The following ATP7A variants were observed in gnomAD, a reference collection of about 807,000 sequenced individuals.
ATP7A encodes ATPase copper transporting alpha.
In ATP7A, 7 loss-of-function variants were observed where a neutral mutation model predicts 83.5. That is an observed-to-expected ratio of 0.08 (90% CI 0.05 to 0.16). ATP7A has a LOEUF of 0.16. Ranked by LOEUF, ATP7A falls within the 10% of genes least tolerant of loss-of-function variation. The pLI, the probability that ATP7A is intolerant of heterozygous loss-of-function variation, is 1.00. For missense variants in ATP7A, 940 were observed against 1,120.8 expected (o/e 0.84, Z 2.30); for synonymous variants, 354 against 395.2 (o/e 0.90, Z 1.24).
chrX:78,015,944 CT>C, intron 12 of ATP7A, 63 bp downstream of exon 12: 2 of 1,143,786 alleles, frequency 1.7e-6, no homozygotes, highest in Non-Finnish European at 2.4e-6. Context: ...AGATGAAGCA[CT>C]TTTTGTAGAA....
At chrX:78,004,870 G>A (rs549379876) in intron 6 of ATP7A, among the ~76,000 whole-genome samples, 39 of 111,072 alleles carry the variant, frequency 3.5e-4, no homozygotes, top group African/African-American at 1.2e-3. Flanking sequence ...GCGACACAGT[G>A]AGATTCCATC....
chrX:77,967,763 G>T (rs1198625166), intron 1 of ATP7A, among the ~76,000 whole-genome samples: 1 of 111,607 alleles, frequency 9.0e-6, no homozygotes, highest in East Asian at 2.8e-4. Flanking sequence ...ATATGTCTTA[G>T]TTCAGGCTTC....
rs187911855 is a variant in ATP7A, at chrX:78,047,218, T to C, written c.*648T>C. On this transcript the variant is annotated 3_prime_UTR_variant, in exon 23 of 23. Coordinates refer to ENST00000341514, the MANE Select transcript of ATP7A (RefSeq NM_000052.7). ...TTTCGAGCTAACCAAGTTTAGGTGG[T>C]TTTTCATTGATTAAAAATAACTGAC... 3.6e-5 allele frequency: 4 copies of C among 112,323 alleles called. No individual in the cohort carries two copies. In the East Asian group the frequency reaches 1.1e-3, roughly 31 times the overall value. The allele number at this position is 112,323 out of a possible 1,213,427, so 9.3% of individuals were successfully genotyped here.
At position 78,005,001 on chromosome X, in the gene ATP7A, A is replaced by G. The variant is rs142346330; in HGVS notation, c.1707+1765A>G. ...GAGGCTGAGGTGGGAGGATTGCTTG[A>G]GCCTGGGAGGTTGAGGCTGCAGTGA... On this transcript the variant is annotated intron_variant, in intron 6 of 22. Transcript: ENST00000341514. 7.9e-3 allele frequency among the ~76,000 whole-genome samples: 887 copies of G among 112,042 alleles called. 9 individuals carry two copies. The highest frequency in any genetic ancestry group is 0.028 in the African/African-American group (861 of 30,933).
At chrX:78,029,496 C>A in intron 15 of ATP7A, 52 bp downstream of exon 15, 1 of 1,096,836 alleles carries the variant, frequency 9.1e-7, no homozygotes, top group Non-Finnish European at 1.3e-6. Flanking sequence ...TCAATAGCAC[C>A]CCTCACATGT....
chrX:77,917,027 A>C (rs782140377), intron 1 of ATP7A, among the ~76,000 whole-genome samples: 63 of 111,894 alleles, frequency 5.6e-4, no homozygotes, highest in African/African-American at 2.0e-3. Context: ...AGTAGCCACC[A>C]TGTTCACTGG....
At chrX:77,918,599 T>G (rs1251149713) in intron 1 of ATP7A, among the ~76,000 whole-genome samples, 3 of 111,281 alleles carry the variant, frequency 2.7e-5, no homozygotes, top group Non-Finnish European at 5.6e-5. Context: ...AATGGGAATC[T>G]TAGCTGAGAC....
At chrX:77,931,340 C>G (rs782600197) in intron 1 of ATP7A, among the ~76,000 whole-genome samples, 1 of 111,148 alleles carries the variant, frequency 9.0e-6, no homozygotes, top group African/African-American at 3.3e-5. Flanking sequence ...GTAAGGTCAC[C>G]GATGAGCAGG....
chrX:77,970,068 T>C lies in ATP7A; in HGVS notation c.-21-1553T>C, dbSNP rs782614646. Among the ~76,000 whole-genome samples, 11 of 111,587 alleles carry C rather than the reference T, an allele frequency of 9.9e-5. No individual in the cohort carries two copies. In the South Asian group the frequency reaches 4.1e-3, roughly 42 times the overall value. Reference sequence around the variant, plus strand: ...GTAGTCAATATGGTGTCTGGGGATGTAGTAGTTTAAAGGCTTAACTTAGGT... The same window carrying C: ...GTAGTCAATATGGTGTCTGGGGATGCAGTAGTTTAAAGGCTTAACTTAGGT... On this transcript the variant is annotated intron_variant, in intron 1 of 22. Transcript: ENST00000341514.
chrX:78,030,007 T>C (rs1352897174), intron 15 of ATP7A, among the ~76,000 whole-genome samples: 1 of 112,552 alleles, frequency 8.9e-6, no homozygotes, highest in Non-Finnish European at 1.9e-5. Context: ...ATGTAAGCTA[T>C]GTACAGAGGT....
chrX:77,919,605 C>CT (rs2149040967), intron 1 of ATP7A, among the ~76,000 whole-genome samples: 1 of 112,529 alleles, frequency 8.9e-6, no homozygotes. Flanking sequence ...ATTCTCCTGC[C>CT]TCAGCCCCCT....
rs182706030 is a variant in ATP7A at position 77,954,804 on chromosome X, C to G, written c.-21-16817C>G. ...TCATCTATTTATTTAATAAAATAAG[C>G]ACGTTTTTATAGCCTTGGTATAATA... On this transcript the variant is annotated intron_variant, in intron 1 of 22. Transcript: ENST00000341514. 8.2e-3 allele frequency among the ~76,000 whole-genome samples: 917 copies of G among 111,341 alleles called. 13 individuals carry two copies. Among genetic ancestry groups the G allele is most frequent in the African/African-American group, 0.028 (877 of 30,772 alleles).
chrX:77,914,549 G>A (rs1433878101), intron 1 of ATP7A, among the ~76,000 whole-genome samples: 2 of 111,032 alleles, frequency 1.8e-5, no homozygotes, highest in Non-Finnish European at 3.8e-5. Context: ...ACAGGTGCGC[G>A]CCACCACACT....
chrX:78,002,830 A>ACG (rs2077749622), intron 5 of ATP7A, among the ~76,000 whole-genome samples: 1 of 109,040 alleles, frequency 9.2e-6, no homozygotes, highest in Non-Finnish European at 1.9e-5. Flanking sequence ...ACACACACAC[A>ACG]CACACACACA....
chrX:78,015,232 C>T (rs1256172353), intron 11 of ATP7A, among the ~76,000 whole-genome samples: 1 of 111,507 alleles, frequency 9.0e-6, no homozygotes, highest in Non-Finnish European at 1.9e-5. Context: ...TCCTCATTGT[C>T]CTTCCTTCCC....
chrX:77,999,907 C>CAA (rs781857498), intron 5 of ATP7A, among the ~76,000 whole-genome samples: 532 of 44,604 alleles, frequency 0.012, 11 homozygotes, highest in African/African-American at 0.036. Context: ...GACTCCATCT[C>CAA]AAAAAAAAAA....
At chrX:77,977,022 G>T (rs1557230384) in intron 2 of ATP7A, among the ~76,000 whole-genome samples, 1 of 111,638 alleles carries the variant, frequency 9.0e-6, no homozygotes, top group African/African-American at 3.2e-5. Context: ...GAAAAGCTGA[G>T]AGATGACAGG....
At chrX:78,009,982 C>G (rs782722147) in intron 7 of ATP7A, among the ~76,000 whole-genome samples, 1 of 112,634 alleles carries the variant, frequency 8.9e-6, no homozygotes, top group Non-Finnish European at 1.9e-5. Context: ...CTGTGTTCTT[C>G]AATAAGTCTT....
At chrX:77,929,558 A>C (rs1373190774) in intron 1 of ATP7A, among the ~76,000 whole-genome samples, 1 of 111,099 alleles carries the variant, frequency 9.0e-6, no homozygotes, top group East Asian at 2.8e-4. Context: ...GTTTTATGTG[A>C]TTATTAGGAT....
Sources: gnomAD v4.1 joint callset for allele counts (sites outside exome capture counted in the v4.1 genomes callset) on GRCh38, gnomAD v4.1.1 for gene constraint, MANE v1.5 for transcripts, NCBI Gene and HGNC (gene_info 2026-07-23, HGNC 2026-07-21) for gene names.